GAS2L2: variants seen among roughly 807,000 people sequenced by gnomAD.
GAS2L2 encodes the protein GAS2-like protein 2.
GAS2L2 carries 21 observed loss-of-function variants against 35.2 expected under a neutral mutation model. That is an observed-to-expected ratio of 0.60 (90% CI 0.42 to 0.86). GAS2L2 has a LOEUF of 0.86. Ranked by LOEUF, GAS2L2 falls within the 40% of genes least tolerant of loss-of-function variation. The pLI is 0.00. For missense variants in GAS2L2, 1,169 were observed against 1,144.4 expected, an observed-to-expected ratio of 1.02 and a Z score of -0.31; for synonymous variants, 490 against 473.2, an observed-to-expected ratio of 1.04 and a Z score of -0.46.
In GAS2L2 at chr17:35,744,986, C is replaced by A. The variant is rs1555598595; in HGVS notation, c.2511G>T (p.Glu837Asp). 1 of 1,614,112 alleles carries A rather than the reference C, an allele frequency of 6.2e-7. No homozygotes were observed. Among genetic ancestry groups the A allele is most frequent in the South Asian group, 1.1e-5 (1 of 91,082 alleles). Residue 837 changes from glutamate to aspartate, a missense_variant, in exon 6 of 6, where the codon GAG becomes GAT. This residue lies in a region of GAS2L2 where 1,035 missense variants were observed against 976.5 expected (regional missense o/e 1.06). Coordinates refer to ENST00000604641, the MANE Select transcript of GAS2L2 (RefSeq NM_139285.4). Reference protein sequence around the residue: ...ASRVDGASVGEEEEEGKEEKE... With the variant: ...ASRVDGASVGDEEEEGKEEKE... ...TCTCCTCCTTTCCTTCCTCCTCCTC[C>A]TCACCTACTGAAGCTCCATCCACCC...
Position 35,745,327 on chromosome 17 carries a change from C to T in GAS2L2, c.2170G>A (p.Gly724Arg), listed in dbSNP as rs782316132. The change falls in exon 6 of 6, where the codon GGG becomes AGG. Residue 724 changes from glycine (G) to arginine (R), a missense_variant. Gly to Arg is a moderately radical substitution (Grantham distance 125). Transcript: ENST00000604641. ...THMRKVPPQG[G>R]QDCSASTVSA... The stretch of plus-strand genomic sequence containing the variant: ...ACAGTAGAAGCCGAGCAGTCCTGCC[C>T]TCCCTGAGGTGGGACCTTCCTCATG... 64 of 1,610,632 alleles carry T rather than the reference C, an allele frequency of 4.0e-5. No homozygotes were observed. The highest frequency in any genetic ancestry group is 5.3e-5 in the Non-Finnish European group (63 of 1,177,894).
chr17:35,748,770 C>G (rs2085685178), intron 3 of GAS2L2, among the ~76,000 whole-genome samples: 1 of 152,206 alleles, frequency 6.6e-6, no homozygotes, highest in South Asian at 2.1e-4. Context: ...CCATACCCCA[C>G]TCTGCCTGAG....
chr17:35,745,536 G>T lies in GAS2L2; in HGVS notation c.1961C>A (p.Ala654Asp). The change falls in exon 6 of 6, where the codon GCC becomes GAC. Residue 654 changes from alanine (A) to aspartate (D), a missense_variant. By Grantham distance (126) the Ala-to-Asp change is moderately radical (BLOSUM62 -2). Coordinates refer to ENST00000604641, the MANE Select transcript of GAS2L2 (RefSeq NM_139285.4). ...WPEPGGPYDKAIQELAQGSPS... is the reference protein window; with the variant it reads ...WPEPGGPYDKDIQELAQGSPS... Reference sequence around the variant, plus strand: ...GGACCCCTGAGCCAGTTCTTGGATGGCTTTGTCATAAGGACCCCCAGGCTC... The same window carrying T: ...GGACCCCTGAGCCAGTTCTTGGATGTCTTTGTCATAAGGACCCCCAGGCTC... 1 of 1,612,518 alleles carries T rather than the reference G, an allele frequency of 6.2e-7. No homozygotes were observed.
chr17:35,750,148 G>A lies in GAS2L2; in HGVS notation c.556C>T (p.Pro186Ser), dbSNP rs1482858819. 1.4e-5 allele frequency: 22 copies of A among 1,609,296 alleles called. No individual in the cohort carries two copies. The highest frequency in any genetic ancestry group is 1.9e-5 in the Non-Finnish European group (22 of 1,178,176). The change falls in exon 2 of 6, where the codon CCC (proline) becomes TCC (serine). Residue 186 changes from proline (P) to serine (S), a missense_variant. By Grantham distance (74) the Pro-to-Ser change is moderately conservative (BLOSUM62 -1). This residue lies in a region of GAS2L2 where 1,035 missense variants were observed against 976.5 expected (regional missense o/e 1.06). Transcript: ENST00000604641. ...EEEVRRELAL[P>S]PPDPSPPAPP... ...GCTGGCGGCGAGGGGTCGGGCGGGG[G>A]CAGGGCCAGCTCCCGCCGCACCTCC...
In GAS2L2 at chr17:35,750,238, G is replaced by C. The variant is rs781784497; in HGVS notation, c.466C>G (p.Arg156Gly). 6.2e-7 allele frequency: 1 copy of C among 1,613,842 alleles called. No individual in the cohort carries two copies. Among genetic ancestry groups the C allele is most frequent in the Non-Finnish European group, 8.5e-7 (1 of 1,179,848 alleles). The change falls in exon 2 of 6, where the codon CGC (arginine) becomes GGC (glycine). Residue 156 changes from arginine (R) to glycine (G), a missense_variant. Physicochemically the swap from Arg to Gly is moderately radical, Grantham distance 125. Coordinates refer to ENST00000604641, the MANE Select transcript of GAS2L2 (RefSeq NM_139285.4). Reference protein sequence around the residue: ...NVVLCLLELGRRAWRFGVAAP... With the variant: ...NVVLCLLELGGRAWRFGVAAP... ...GCAACACCAAAGCGCCACGCCCGGC[G>C]GCCCAGCTCCAGCAAACACAGCACC... is the stretch of plus-strand genomic sequence containing the variant.
At chr17:35,751,329 C>G (rs2085702004) in intron 1 of GAS2L2, among the ~76,000 whole-genome samples, 1 of 152,094 alleles carries the variant, frequency 6.6e-6, no homozygotes. Context: ...CCCTGTCATC[C>G]CCCCTGCTTA....
chr17:35,746,510 G>C, intron 5 of GAS2L2, 99 bp from the exon 6 acceptor site: 1 of 723,756 alleles, frequency 1.4e-6, no homozygotes, highest in Non-Finnish European at 2.0e-6. Flanking sequence ...TCTTTCCCCA[G>C]TGAGAACACC....
chr17:35,752,913 C>T lies in GAS2L2; in HGVS notation c.-63G>A. The T allele has an allele frequency of 6.7e-7, 1 of 1,501,298 alleles. No individual in the cohort carries two copies. 93.0% of individuals were successfully genotyped at this position (1,501,298 alleles called of 1,614,324 possible). A position where few individuals can be genotyped will look rare whatever the true frequency, so the allele number is the denominator to read the frequency against. On this transcript the variant is annotated 5_prime_UTR_variant, in exon 1 of 6. Coordinates refer to ENST00000604641, the MANE Select transcript of GAS2L2 (RefSeq NM_139285.4). ...CTCTCCCACTGCCGCCTCTTTCCTC[C>T]CGCTGCTGCTGGGTCTCGGCTGGGT...
At chr17:35,751,850 T>C (rs782462156) in intron 1 of GAS2L2, among the ~76,000 whole-genome samples, 17 of 84,596 alleles carry the variant, frequency 2.0e-4, no homozygotes, top group South Asian at 4.9e-4. Context: ...CTCTCTCTCT[T>C]TTTTTTTTTT....
In GAS2L2 at chr17:35,752,987, C is replaced by T; in HGVS notation, c.-137G>A. 1 of 930,304 alleles carries T rather than the reference C, an allele frequency of 1.1e-6. No homozygotes were observed. Among genetic ancestry groups the T allele is most frequent in the East Asian group, 2.6e-5 (1 of 37,784 alleles). 57.6% of individuals were successfully genotyped at this position (930,304 alleles called of 1,614,324 possible). A position where few individuals can be genotyped will look rare whatever the true frequency, so the allele number is the denominator to read the frequency against. On this transcript the variant is annotated 5_prime_UTR_variant, in exon 1 of 6. Coordinates refer to ENST00000604641, the MANE Select transcript of GAS2L2 (RefSeq NM_139285.4). ...TGTACTCGCTGAGAGCCCGGGACCTCCAGTGCTGCTACTTGCCACTGGCTT... is the reference window on the plus strand; with the variant it reads ...TGTACTCGCTGAGAGCCCGGGACCTTCAGTGCTGCTACTTGCCACTGGCTT...
chr17:35,745,795 C>G lies in GAS2L2; in HGVS notation c.1702G>C (p.Val568Leu), dbSNP rs1167636380. The change falls in exon 6 of 6, where the codon GTC becomes CTC. Residue 568 changes from valine (V) to leucine (L), a missense_variant. Physicochemically the swap from Val to Leu is conservative, Grantham distance 32. Transcript: ENST00000604641. ...RQEDQQLDIQ[V>L]MAEARESWDL... ...CAGGACTCTCTGGCCTCTGCCATGA[C>G]CTGGATGTCCAGCTGCTGGTCCTCC... 3.1e-6 allele frequency: 5 copies of G among 1,613,732 alleles called. No individual in the cohort carries two copies. Among genetic ancestry groups the G allele is most frequent in the Admixed American group, 1.7e-5 (1 of 60,006 alleles).
Position 35,745,469 on chromosome 17 carries a change from G to T in GAS2L2, c.2028C>A (p.Ala676=). 1 of 1,593,018 alleles carries T rather than the reference G, an allele frequency of 6.3e-7. No homozygotes were observed. The highest frequency in any genetic ancestry group is 8.6e-7 in the Non-Finnish European group (1 of 1,168,002). The change falls in exon 6 of 6, where the codon GCC becomes GCA. Residue 676 remains alanine (A), a synonymous_variant. Coordinates refer to ENST00000604641, the MANE Select transcript of GAS2L2 (RefSeq NM_139285.4). ...LKVDLEAWKA[A]PTGSPKPAVT... ...CAGCTGGCTTAGGGGAGCCAGTCGG[G>T]GCTGCCTTCCAGGCTTCCAGGTCCA... is the stretch of plus-strand genomic sequence containing the variant.
rs372020927 is a variant in GAS2L2, at chr17:35,752,836, C to T, written c.15G>A (p.Ala5=). 2.7e-5 allele frequency: 43 copies of T among 1,597,832 alleles called. No individual in the cohort carries two copies. Among genetic ancestry groups the T allele is most frequent in the African/African-American group, 2.4e-4 (18 of 74,784 alleles). The part of the protein sequence containing the change: MSQP[A]GGRRKPRTLG... ...GGGTCCTGGGCTTCCTCCTGCCTCC[C>T]GCAGGCTGGGACATGGCTGGACCCC... Residue 5 remains alanine (A), a synonymous_variant, in exon 1 of 6, where the codon GCG becomes GCA. Coordinates refer to ENST00000604641, the MANE Select transcript of GAS2L2 (RefSeq NM_139285.4).
intron 3 of GAS2L2, 93 bp from the exon 4 acceptor site, chr17:35,748,038 T>C: frequency 1.2e-6 from 1 of 867,486 alleles, no homozygotes; most frequent in East Asian, 2.6e-5. Flanking sequence ...TCAGGGATGC[T>C]CTCATCCATG....
At chr17:35,748,928 C>T (rs748415165) in intron 3 of GAS2L2, among the ~76,000 whole-genome samples, 182 bp downstream of exon 3, 3 of 152,166 alleles carry the variant, frequency 2.0e-5, no homozygotes, top group Non-Finnish European at 4.4e-5. Flanking sequence ...GGCCTGATGG[C>T]TTGGGGTGAA....
Position 35,751,848 on chromosome 17 carries a change from C to CTTTTTTTT in GAS2L2, c.385+610_385+617dup, listed in dbSNP as rs587677612. On this transcript the variant is annotated intron_variant, in intron 1 of 5. Transcript: ENST00000604641. ...TATCCCTCTACCTCTCTCTCTCTCT[C>CTTTTTTTT]TTTTTTTTTTTTTTTTTTTTTTTTT... Among the ~76,000 whole-genome samples the CTTTTTTTT allele has an allele frequency of 2.0e-4, 20 of 99,988 alleles. 3 individuals carry two copies. The highest frequency in any genetic ancestry group is 9.3e-4 in the African/African-American group (19 of 20,526). The allele number at this position is 99,988 out of a possible 152,430, so 65.6% of individuals were successfully genotyped here.
intron 1 of GAS2L2, among the ~76,000 whole-genome samples, chr17:35,751,061 C>G (rs1221985611): frequency 6.6e-6 from 1 of 152,190 alleles, no homozygotes; most frequent in African/African-American, 2.4e-5. Flanking sequence ...CTGACCCTTT[C>G]CCCAGTCTCA....
chr17:35,746,435 G>A, intron 5 of GAS2L2, 24 bp from the exon 6 acceptor site: 1 of 1,316,558 alleles, frequency 7.6e-7, no homozygotes, highest in African/African-American at 1.5e-5. Context: ...TCACAAGGCT[G>A]CAAAGGGAGA....
intron 5 of GAS2L2, 70 bp downstream of exon 5, chr17:35,746,946 G>A (rs2085672016): frequency 1.4e-6 from 2 of 1,439,242 alleles, no homozygotes; most frequent in South Asian, 2.8e-5. Context: ...CTTTTATCTT[G>A]GAGTGTGGTG....
Sources: allele counts gnomAD v4.1 joint callset (sites outside exome capture counted in the v4.1 genomes callset), GRCh38; gene constraint gnomAD v4.1.1; regional missense constraint gnomAD v4.1.1; transcripts MANE v1.5; gene names NCBI Gene and HGNC (gene_info 2026-07-23, HGNC 2026-07-21).